Variants in XRCC1 observed in about 807,000 individuals in gnomAD.
XRCC1 encodes X-ray repair cross complementing 1.
Under a neutral mutation model 83.3 loss-of-function variants are expected in XRCC1, and 52 were observed. The ratio of observed to expected loss-of-function variants is 0.62; its 90% CI spans 0.50 to 0.79. The LOEUF is 0.79. XRCC1 is among the 30% of genes least tolerant of loss of function. The pLI, the probability that XRCC1 is intolerant of heterozygous loss-of-function variation, is 0.00. For missense variants in XRCC1, 793 were observed against 823.5 expected, an observed-to-expected ratio of 0.96 and a Z score of 0.45; for synonymous variants, 281 against 312.6, an observed-to-expected ratio of 0.90 and a Z score of 1.07.
intron 2 of XRCC1, among the ~76,000 whole-genome samples, chr19:43,574,283 C>T (rs1179157403): frequency 6.6e-6 from 1 of 152,030 alleles, no homozygotes. Flanking sequence ...ACTGTATTGC[C>T]CAGGCTGGTC....
At chr19:43,568,626 A>C (rs1435189269) in intron 2 of XRCC1, among the ~76,000 whole-genome samples, 1 of 152,050 alleles carries the variant, frequency 6.6e-6, no homozygotes, top group African/African-American at 2.4e-5. Flanking sequence ...ATATACTATG[A>C]ATTTTTTAAA....
At chr19:43,545,545 A>G (rs982257833) in intron 14 of XRCC1, among the ~76,000 whole-genome samples, 4 of 152,156 alleles carry the variant, frequency 2.6e-5, no homozygotes, top group Non-Finnish European at 5.9e-5. Context: ...CCTGACGTGA[A>G]AAAAAGGAGG....
chr19:43,544,463 G>T (rs140299822), intron 14 of XRCC1, among the ~76,000 whole-genome samples: 2 of 152,060 alleles, frequency 1.3e-5, no homozygotes, highest in African/African-American at 4.8e-5. Flanking sequence ...GCCTATTATT[G>T]TGATTTGTTT....
intron 10 of XRCC1, among the ~76,000 whole-genome samples, chr19:43,548,880 A>T (rs1289110765): frequency 6.6e-6 from 1 of 151,392 alleles, no homozygotes; most frequent in South Asian, 2.1e-4. Context: ...GGTAGGTCCT[A>T]TTTTTGGCCC....
At position 43,553,646 on chromosome 19, in the gene XRCC1, C is replaced by A; in HGVS notation, c.452G>T (p.Ser151Ile). Reference sequence around the variant, plus strand: ...CTCTGCCTCATCTTTGTCTGGGGGGCTATGAAACCGTACAAAACTCAAGCC... The same window carrying A: ...CTCTGCCTCATCTTTGTCTGGGGGGATATGAAACCGTACAAAACTCAAGCC... The part of the protein sequence containing the change: ...PFGLSFVRFH[S>I]PPDKDEAEAP... The change falls in exon 5 of 17, where the codon AGC becomes ATC. Residue 151 changes from serine (S) to isoleucine (I), a missense_variant. By Grantham distance (142) the Ser-to-Ile change is moderately radical. Transcript: ENST00000262887. 1.9e-6 allele frequency: 3 copies of A among 1,542,780 alleles called. No individual in the cohort carries two copies. Among genetic ancestry groups the A allele is most frequent in the African/African-American group, 1.4e-5 (1 of 72,096 alleles).
chr19:43,544,699 G>A (rs1256402516), intron 14 of XRCC1, among the ~76,000 whole-genome samples: 1 of 152,108 alleles, frequency 6.6e-6, no homozygotes, highest in Non-Finnish European at 1.5e-5. Context: ...TAGAGAGACG[G>A]GGTATTGACA....
In XRCC1 at chr19:43,544,976, C is replaced by T. The variant is rs191072144; in HGVS notation, c.1622-742G>A. ...CTGGAGCCACTTAATGAGCTTAGTC[C>T]AGGCTGAAAACGTCAGTATCTGCCA... On this transcript the variant is annotated intron_variant, in intron 14 of 16. Coordinates refer to ENST00000262887, the MANE Select transcript of XRCC1 (RefSeq NM_006297.3). 7.4e-4 allele frequency among the ~76,000 whole-genome samples: 113 copies of T among 152,308 alleles called. 1 individual carries two copies. The highest frequency in any genetic ancestry group is 2.4e-3 in the African/African-American group (100 of 41,568).
intron 1 of XRCC1, among the ~76,000 whole-genome samples, 188 bp downstream of exon 1, chr19:43,575,220 T>C (rs1321592905): frequency 1.3e-5 from 2 of 152,178 alleles, no homozygotes; most frequent in Non-Finnish European, 2.9e-5. Context: ...ATTCCTCCTT[T>C]TCTCTCCGGA....
intron 2 of XRCC1, among the ~76,000 whole-genome samples, chr19:43,566,878 C>A (rs76635576): frequency 7.7e-3 from 761 of 98,546 alleles, no homozygotes; most frequent in South Asian, 0.012. Flanking sequence ...GACTCAATCT[C>A]AAAAAAAAAA....
chr19:43,551,513 A>G, intron 10 of XRCC1, 58 bp downstream of exon 10: 3 of 1,472,748 alleles, frequency 2.0e-6, no homozygotes, highest in Non-Finnish European at 2.8e-6. Context: ...ACTCCCCTCC[A>G]GATTCCTGGC....
At chr19:43,559,427 C>A (rs1486297889) in intron 3 of XRCC1, among the ~76,000 whole-genome samples, 1 of 138,838 alleles carries the variant, frequency 7.2e-6, no homozygotes. Flanking sequence ...TTGCAGTGAG[C>A]CGAGATCGCG....
chr19:43,545,906 C>G lies in XRCC1; in HGVS notation c.1533G>C (p.Gly511=), dbSNP rs1476147447. 2 of 1,613,836 alleles carry G rather than the reference C, an allele frequency of 1.2e-6. No individual in the cohort carries two copies. The highest frequency in any genetic ancestry group is 1.7e-6 in the Non-Finnish European group (2 of 1,179,936). Residue 511 remains glycine (G), a synonymous_variant, in exon 14 of 17, where the codon GGG becomes GGC. Transcript: ENST00000262887. ...HRLPPGQEEN[G]EDPYAGSTDE... is the part of the protein sequence containing the mutation. ...CCGTGGAGCCTGCATACGGGTCTTC[C>G]CCATTCTCCTCCTGGCCAGGGGGCA...
chr19:43,545,683 C>T lies in XRCC1; in HGVS notation c.1621+135G>A, dbSNP rs1972500667. 5.2e-6 allele frequency: 6 copies of T among 1,160,102 alleles called. No individual in the cohort carries two copies. The Admixed American group carries it at 1.3e-4, about 26-fold the overall frequency. The allele number at this position is 1,160,102 out of a possible 1,614,324, so 71.9% of individuals were successfully genotyped here. A position where few individuals can be genotyped will look rare whatever the true frequency, so the allele number is the denominator to read the frequency against. ...CTGGCAGAACCTGAAGGTGCTGAGG[C>T]AGGGAGTGGGTTGAGGAAGGAGAGG... On this transcript the variant is annotated intron_variant, in intron 14 of 16. Transcript: ENST00000262887.
rs1479798853 is a variant in XRCC1 at position 43,561,005 on chromosome 19, G to A, written c.160C>T (p.Gln54Ter). 6.2e-7 allele frequency: 1 copy of A among 1,614,080 alleles called. No homozygotes were observed. The highest frequency in any genetic ancestry group is 1.1e-5 in the South Asian group (1 of 91,084). The part of the protein sequence containing the change: ...SVVLQLEKEE[Q>*]IHSVDIGNDG... ...TTCCCAATGTCCACACTGTGTATCT[G>A]CTCCTCCTTCTCCAACTGTGGGCAG... Residue 54 changes from glutamine to a stop codon, truncating the protein, a stop_gained, in exon 3 of 17, where the codon CAG becomes TAG. Transcript: ENST00000262887. LOFTEE classifies it high-confidence loss of function.
chr19:43,555,415 CT>C (rs949791041), intron 3 of XRCC1: 21 of 152,248 alleles, frequency 1.4e-4, no homozygotes, highest in African/African-American at 5.1e-4. Flanking sequence ...GAAGGACCAG[CT>C]TCTCGTGCAT....
intron 10 of XRCC1, 66 bp downstream of exon 10, chr19:43,551,505 T>C: frequency 7.1e-7 from 1 of 1,404,440 alleles, no homozygotes; most frequent in East Asian, 2.3e-5. Context: ...CCAGTCTGAC[T>C]CCCCTCCAGA....
rs146546931 is a variant in XRCC1, at chr19:43,549,594, C to G, written c.1199+1977G>C. On this transcript the variant is annotated intron_variant, in intron 10 of 16. Transcript: ENST00000262887. ...ATTTTTGAGATAAGGTCTTGATTTG[C>G]CACCTAGACTGGAGTGCAGCGGTGC... Among the ~76,000 whole-genome samples the G allele has an allele frequency of 5.0e-3, 755 of 152,120 alleles. 5 individuals are homozygous for G. The highest frequency in any genetic ancestry group is 0.017 in the African/African-American group (692 of 41,496).
intron 3 of XRCC1, among the ~76,000 whole-genome samples, chr19:43,559,354 G>A (rs1238045138): frequency 8.7e-5 from 13 of 150,206 alleles, no homozygotes; most frequent in South Asian, 2.1e-4. Context: ...ATGGTGGCAC[G>A]TGCCTGTAGT....
Position 43,551,701 on chromosome 19 carries a change from G to C in XRCC1, c.1083-14C>G. On this transcript the variant is annotated splice_polypyrimidine_tract_variant and intron_variant, in intron 9 of 16. Transcript: ENST00000262887. Reference sequence around the variant, plus strand: ...GCAAAGGCACAGCTGGTGGGGGGCAGAAGTGAAGATGCCAGTTAGGTGTGA... The same window carrying C: ...GCAAAGGCACAGCTGGTGGGGGGCACAAGTGAAGATGCCAGTTAGGTGTGA... The C allele has an allele frequency of 1.2e-6, 2 of 1,606,158 alleles. No individual in the cohort carries two copies. Among genetic ancestry groups the C allele is most frequent in the Non-Finnish European group, 1.7e-6 (2 of 1,172,880 alleles).
Sources: gnomAD v4.1 joint callset for allele counts (sites outside exome capture counted in the v4.1 genomes callset) on GRCh38, gnomAD v4.1.1 for gene constraint, MANE v1.5 for transcripts, NCBI Gene and HGNC (gene_info 2026-07-23, HGNC 2026-07-21) for gene names.